CFTR: variants seen among roughly 807,000 people sequenced by gnomAD.
CFTR encodes the protein CF transmembrane conductance regulator.
A neutral mutation model predicts 171.6 loss-of-function variants in CFTR; 181 were observed. The ratio of observed to expected loss-of-function variants is 1.05; its 90% confidence interval spans 0.93 to 1.19. The LOEUF is 1.19. Among genes scored for constraint, CFTR ranks in the 50% most tolerant of loss-of-function variants. The pLI, the probability that CFTR is intolerant of heterozygous loss-of-function variation, is 0.00. For missense variants in CFTR, 1,968 were observed against 1,734.7 expected (o/e 1.13, Z -2.39); for synonymous variants, 583 against 608.0 (o/e 0.96, Z 0.60).
intron 11 of CFTR, among the ~76,000 whole-genome samples, chr7:117,570,159 A>G (rs1041203375): frequency 1.3e-5 from 2 of 150,974 alleles, no homozygotes; most frequent in Non-Finnish European, 3.0e-5. Context: ...AGAGCCATCC[A>G]CCTTATGAAG....
At chr7:117,498,871 A>G (rs1056098519) in intron 1 of CFTR, among the ~76,000 whole-genome samples, 4 of 148,410 alleles carry the variant, frequency 2.7e-5, no homozygotes, top group African/African-American at 7.5e-5. Flanking sequence ...TTTCAAACTC[A>G]TGGCAAATAC....
chr7:117,599,046 ATACTT>A (rs1488348786), intron 15 of CFTR, among the ~76,000 whole-genome samples: 6 of 152,192 alleles, frequency 3.9e-5, no homozygotes, highest in Non-Finnish European at 5.9e-5. Context: ...AATTCCTTTT[ATACTT>A]TAACAAAAAT....
intron 1 of CFTR, among the ~76,000 whole-genome samples, chr7:117,484,393 G>A (rs781264669): frequency 5.3e-5 from 8 of 152,182 alleles, no homozygotes; most frequent in Non-Finnish European, 1.2e-4. Flanking sequence ...GGACAGCCCA[G>A]GGTTTCCATA....
intron 23 of CFTR, among the ~76,000 whole-genome samples, chr7:117,649,718 G>A (rs938466590): frequency 2.0e-5 from 3 of 151,966 alleles, no homozygotes; most frequent in Non-Finnish European, 4.4e-5. Flanking sequence ...GACAGGGTAT[G>A]CAGCAGTTAT....
chr7:117,582,741 G>A (rs960636651), intron 11 of CFTR, among the ~76,000 whole-genome samples: 1 of 152,086 alleles, frequency 6.6e-6, no homozygotes, highest in African/African-American at 2.4e-5. Flanking sequence ...AGAGTAACAT[G>A]GTACCAAGAA....
intron 22 of CFTR, among the ~76,000 whole-genome samples, chr7:117,637,615 G>A (rs1013943653): frequency 8.6e-5 from 13 of 151,980 alleles, no homozygotes; most frequent in African/African-American, 1.9e-4. Context: ...GGTGGCTCAC[G>A]CCTGTAATCC....
chr7:117,653,464 A>G (rs1394494480), intron 24 of CFTR, among the ~76,000 whole-genome samples: 1 of 152,198 alleles, frequency 6.6e-6, no homozygotes, highest in Non-Finnish European at 1.5e-5. Context: ...GTGTCCTCAC[A>G]TAATGGAAAG....
intron 1 of CFTR, among the ~76,000 whole-genome samples, chr7:117,489,716 A>G (rs1038832033): frequency 6.6e-6 from 1 of 151,832 alleles, no homozygotes; most frequent in Admixed American, 6.6e-5. Context: ...AAGCTTTCCT[A>G]CATAGTGAAT....
At chr7:117,596,233 A>G (rs1792122530) in intron 15 of CFTR, among the ~76,000 whole-genome samples, 1 of 152,086 alleles carries the variant, frequency 6.6e-6, no homozygotes, top group East Asian at 1.9e-4. Context: ...CAGGCCCCGC[A>G]CTCGGAGCAG....
At chr7:117,587,640 A>G (rs1791960520) in intron 11 of CFTR, 99 bp from the exon 12 acceptor site, 2 of 756,286 alleles carry the variant, frequency 2.6e-6, no homozygotes, top group Non-Finnish European at 4.8e-6. Flanking sequence ...GGTTAAAGCA[A>G]TAGTGTGATA....
chr7:117,554,511 G>A (rs1799319335), intron 10 of CFTR, among the ~76,000 whole-genome samples: 1 of 152,084 alleles, frequency 6.6e-6, no homozygotes, highest in Non-Finnish European at 1.5e-5. Context: ...AAATAGAGAT[G>A]TTAGTTGGAT....
intron 22 of CFTR, among the ~76,000 whole-genome samples, chr7:117,629,704 T>C (rs1209897203): frequency 6.6e-6 from 1 of 152,204 alleles, no homozygotes; most frequent in Admixed American, 6.5e-5. Flanking sequence ...ATTTTTACTT[T>C]TAGTCTGGTC....
intron 22 of CFTR, among the ~76,000 whole-genome samples, chr7:117,641,450 A>G (rs1245326985): frequency 2.0e-5 from 3 of 152,340 alleles, no homozygotes; most frequent in Non-Finnish European, 4.4e-5. Flanking sequence ...CTACAGATTG[A>G]AAAGCATTAT....
intron 4 of CFTR, among the ~76,000 whole-genome samples, chr7:117,531,957 A>T (rs1399276712): frequency 6.6e-6 from 1 of 152,182 alleles, no homozygotes; most frequent in East Asian, 1.9e-4. Flanking sequence ...ATAGATCTGA[A>T]ATCTGCCTCT....
At chr7:117,661,221 A>T (rs188203936) in intron 24 of CFTR, among the ~76,000 whole-genome samples, 3 of 152,318 alleles carry the variant, frequency 2.0e-5, no homozygotes, top group Admixed American at 2.0e-4. Context: ...TCTAATGAAG[A>T]TGATTCTAAA....
At chr7:117,660,552 C>T (rs1381998839) in intron 24 of CFTR, among the ~76,000 whole-genome samples, 1 of 151,938 alleles carries the variant, frequency 6.6e-6, no homozygotes, top group Non-Finnish European at 1.5e-5. Flanking sequence ...ATTGTTTGAA[C>T]CTGGGAGTCG....
chr7:117,534,374 C>T lies in CFTR; in HGVS notation c.579+9C>T. The T allele has an allele frequency of 1.4e-6, 2 of 1,425,526 alleles. No individual in the cohort carries two copies. Among genetic ancestry groups the T allele is most frequent in the Non-Finnish European group, 2.0e-6 (2 of 1,009,310 alleles). The allele number at this position is 1,425,526 out of a possible 1,614,324, so 88.3% of individuals were successfully genotyped here. A position where few individuals can be genotyped will look rare whatever the true frequency, so the allele number is the denominator to read the frequency against. ...TGAACAAATTTGATGAAGTATGTAC[C>T]TATTGATTTAATCTTTTAGGCACTA... On this transcript the variant is annotated intron_variant, in intron 5 of 26. Transcript: ENST00000003084.
intron 7 of CFTR, among the ~76,000 whole-genome samples, chr7:117,537,561 T>G (rs1171983821): frequency 6.6e-6 from 1 of 152,172 alleles, no homozygotes; most frequent in Non-Finnish European, 1.5e-5. Context: ...TTGGATGGTG[T>G]CAATATGGGT....
chr7:117,638,061 A>G (rs570708930), intron 22 of CFTR, among the ~76,000 whole-genome samples: 2 of 152,202 alleles, frequency 1.3e-5, no homozygotes, highest in South Asian at 4.1e-4. Context: ...AATCTCCAGC[A>G]ATTTTTCACT....
Sources: allele counts gnomAD v4.1 joint callset (sites outside exome capture counted in the v4.1 genomes callset), GRCh38; gene constraint gnomAD v4.1.1; transcripts MANE v1.5; gene names NCBI Gene and HGNC (gene_info 2026-07-23, HGNC 2026-07-21).